The following MX1 variants were observed in gnomAD, a reference collection of about 807,000 sequenced individuals.
The protein encoded by MX1 is interferon-induced GTP-binding protein Mx1.
In MX1, 66 loss-of-function variants were observed where a neutral mutation model predicts 66.4. The ratio of observed to expected loss-of-function variants is 0.99; its 90% CI spans 0.82 to 1.22. The LOEUF is 1.22. Among genes scored for constraint, MX1 ranks in the 50% most tolerant of loss-of-function variants. The pLI, the probability that MX1 is intolerant of heterozygous loss-of-function variation, is 0.00. For missense variants in MX1, 787 were observed against 834.3 expected (o/e 0.94, Z 0.70); for synonymous variants, 311 against 318.1 (o/e 0.98, Z 0.24).
chr21:41,437,266 T>C (rs2090391231), intron 7 of MX1, 114 bp downstream of exon 7: 4 of 1,196,378 alleles, frequency 3.3e-6, no homozygotes, highest in Non-Finnish European at 3.6e-6. Context: ...ACCTTTCTCC[T>C]GCACATCAGG....
chr21:41,424,372 C>A (rs2090024814), upstream of MX1, among the ~76,000 whole-genome samples: 1 of 152,054 alleles, frequency 6.6e-6, no homozygotes, highest in South Asian at 2.1e-4. Flanking sequence ...GTGGATCCTG[C>A]AAAGCAAAAT....
intron 8 of MX1, 92 bp from the exon 9 acceptor site, chr21:41,440,795 T>C: frequency 5.4e-6 from 8 of 1,478,320 alleles, no homozygotes; most frequent in Non-Finnish European, 6.6e-6. Flanking sequence ...CTGGGACTCT[T>C]AGGGCCTAAA....
In MX1 at chr21:41,436,993, TG is replaced by T. The variant is rs1446038949; in HGVS notation, c.299-21del. The T allele has an allele frequency of 1.9e-5, 31 of 1,613,116 alleles. No individual in the cohort carries two copies. The East Asian group carries it at 6.7e-4, about 35-fold the overall frequency. On this transcript the variant is annotated intron_variant, in intron 6 of 16. Coordinates refer to ENST00000398598, the MANE Select transcript of MX1 (RefSeq NM_002462.5). ...GTCTTTTAAGAGCAAAGTGGAGCAC[TG>T]ATGTGGGCGTGGCCTCCTAGGGATC...
In MX1 at chr21:41,449,224, T is replaced by G. The variant is rs768899208; in HGVS notation, c.1361T>G (p.Phe454Cys). The G allele has an allele frequency of 6.8e-6, 11 of 1,613,952 alleles. No homozygotes were observed. Among genetic ancestry groups the G allele is most frequent in the Non-Finnish European group, 4.2e-6 (5 of 1,179,960 alleles). Residue 454 changes from phenylalanine (F) to cysteine (C), a missense_variant, in exon 14 of 17, where the codon TTT (phenylalanine) becomes TGT (cysteine). Transcript: ENST00000398598. ...ELPGFVNYRTFETIVKQQIKA... is the reference protein window; with the variant it reads ...ELPGFVNYRTCETIVKQQIKA... ...CCAGGCTTTGTGAATTACAGGACATTTGAGACAATCGTGAAACAGCAAATC... is the reference window on the plus strand; with the variant it reads ...CCAGGCTTTGTGAATTACAGGACATGTGAGACAATCGTGAAACAGCAAATC...
In MX1 at chr21:41,441,967, C is replaced by T; in HGVS notation, c.929+53C>T. ...TCAGTCCAAGCCCAGGATGTCAGGC[C>T]TTCCAGGGGACAGTGGCAGCCGTCC... On this transcript the variant is annotated intron_variant, in intron 10 of 16. Transcript: ENST00000398598. This position sits in a 1 kb window ranked among gnomAD's most constrained non-coding sequence, Gnocchi z 4.0. The T allele has an allele frequency of 1.3e-6, 2 of 1,591,994 alleles. No individual in the cohort carries two copies. The highest frequency in any genetic ancestry group is 1.3e-5 in the African/African-American group (1 of 74,414).
chr21:41,455,322 C>T (rs1309593366), intron 16 of MX1, among the ~76,000 whole-genome samples: 1 of 152,208 alleles, frequency 6.6e-6, no homozygotes, highest in African/African-American at 2.4e-5. Flanking sequence ...ACACTGGGAG[C>T]TGCATGCACG....
intron 8 of MX1, 55 bp downstream of exon 8, chr21:41,439,903 A>AGGGGG: frequency 1.8e-6 from 1 of 557,736 alleles, no homozygotes. Context: ...GGGGGAGTGG[A>AGGGGG]GGGGTGGGAG....
intron 7 of MX1, among the ~76,000 whole-genome samples, chr21:41,438,948 A>G (rs1044496191): frequency 8.5e-5 from 13 of 152,160 alleles, no homozygotes; most frequent in African/African-American, 2.7e-4. Context: ...GACCATGGCA[A>G]GGGGCATATC....
In MX1 at chr21:41,452,676, G is replaced by A. The variant is rs555024661; in HGVS notation, c.1565G>A (p.Arg522His). The A allele has an allele frequency of 4.7e-5, 76 of 1,614,190 alleles. No homozygotes were observed. Among genetic ancestry groups the A allele is most frequent in the African/African-American group, 4.4e-4 (33 of 75,040 alleles). Reference sequence around the variant, plus strand: ...GAGAGAGAAGGTGAGAAGCTGATCCGCCTCCACTTCCAGATGGAACAGATT... The same window carrying A: ...GAGAGAGAAGGTGAGAAGCTGATCCACCTCCACTTCCAGATGGAACAGATT... The part of the protein sequence containing the change: ...EQEREGEKLI[R>H]LHFQMEQIVY... Residue 522 changes from arginine (R) to histidine (H), a missense_variant, in exon 16 of 17, where the codon CGC (arginine) becomes CAC (histidine). Physicochemically the swap from Arg to His is conservative, Grantham distance 29. Transcript: ENST00000398598.
chr21:41,426,103 C>A (rs17000900), upstream of MX1: 22,803 of 173,842 alleles, frequency 0.13, 1,764 homozygotes, highest in South Asian at 0.23. Flanking sequence ...GCAAGTGCTG[C>A]AGGTGCGGGG....
At chr21:41,440,756 C>A in intron 8 of MX1, 131 bp from the exon 9 acceptor site, 1 of 1,089,382 alleles carries the variant, frequency 9.2e-7, no homozygotes. Flanking sequence ...TTCATTTCTC[C>A]AAAGTTACTT....
intron 16 of MX1, among the ~76,000 whole-genome samples, chr21:41,453,726 A>G (rs2090891231): frequency 6.6e-6 from 1 of 152,192 alleles, no homozygotes; most frequent in Admixed American, 6.5e-5. Context: ...CAGGAATTGT[A>G]GGTAAAATCA....
At chr21:41,442,028 T>TGTGC (rs765240003) in intron 10 of MX1, 114 bp downstream of exon 10, 150 of 863,074 alleles carry the variant, frequency 1.7e-4, no homozygotes, top group Non-Finnish European at 2.2e-4. Flanking sequence ...TGTGTGTGCG[T>TGTGC]GTGTGTGTGT....
At chr21:41,442,014 TGTGTGTGTGTGC>T (rs57653762) in intron 10 of MX1, 100 bp downstream of exon 10, 9 of 1,084,096 alleles carry the variant, frequency 8.3e-6, no homozygotes, top group East Asian at 4.9e-5. Flanking sequence ...GGAGTGTGTG[TGTGTGTGTGTGC>T]GTGTGTGTGT....
In MX1 at chr21:41,435,909, C is replaced by T. The variant is rs141166870; in HGVS notation, c.178C>T (p.Arg60Trp). Residue 60 changes from arginine to tryptophan, a missense_variant, in exon 6 of 17, where the codon CGG (arginine) becomes TGG (tryptophan). Transcript: ENST00000398598. ...CTGCATCGACCTCATTGACTCCCTG[C>T]GGGCTCTAGGTGTGGAGCAGGACCT... ...RPCIDLIDSL[R>W]ALGVEQDLAL... is the part of the protein sequence containing the mutation. The T allele has an allele frequency of 1.4e-5, 23 of 1,614,104 alleles. No individual in the cohort carries two copies. The highest frequency in any genetic ancestry group is 8.0e-5 in the African/African-American group (6 of 74,922).
Position 41,426,276 on chromosome 21 carries a change from T to A in MX1, c.-309+13T>A, listed in dbSNP as rs1221417986. ...TGCGCAGGGACCGGTGAGTGTCGCT[T>A]CTGGGGGCAGCGCCCAGTAACCGCG... On this transcript the variant is annotated intron_variant, in intron 1 of 16. Transcript: ENST00000398598. 1 of 152,846 alleles carries A rather than the reference T, an allele frequency of 6.5e-6. No homozygotes were observed. The highest frequency in any genetic ancestry group is 1.5e-5 in the Non-Finnish European group (1 of 68,506). The allele number at this position is 152,846 out of a possible 1,614,324, so 9.5% of individuals were successfully genotyped here.
chr21:41,436,091 G>C, intron 6 of MX1, 62 bp downstream of exon 6: 2 of 1,563,040 alleles, frequency 1.3e-6, no homozygotes, highest in Non-Finnish European at 1.7e-6. Context: ...CACAGACAGG[G>C]TGGCTTATAC....
chr21:41,432,301 C>G (rs973445174), intron 5 of MX1, 126 bp downstream of exon 5: 3 of 826,800 alleles, frequency 3.6e-6, no homozygotes, highest in Non-Finnish European at 5.9e-6. Context: ...TGTGCCAGGA[C>G]GCAGATCCTG....
chr21:41,449,192 A>G lies in MX1; in HGVS notation c.1329A>G (p.Arg443=). The change falls in exon 14 of 17, where the codon AGA becomes AGG. Residue 443 remains arginine, a synonymous_variant. Transcript: ENST00000398598. ...AATTTGAAAATCAGTATCGTGGTAG[A>G]GAGCTGCCAGGCTTTGTGAATTACA... ...IQKFENQYRG[R]ELPGFVNYRT... is the part of the protein sequence containing the mutation. The G allele has an allele frequency of 6.2e-7, 1 of 1,614,146 alleles. No individual in the cohort carries two copies. Among genetic ancestry groups the G allele is most frequent in the Non-Finnish European group, 8.5e-7 (1 of 1,180,020 alleles).
Sources: gnomAD v4.1 joint callset for allele counts (sites outside exome capture counted in the v4.1 genomes callset) on GRCh38, gnomAD v4.1.1 for gene constraint, Gnocchi (gnomAD v3.1) non-coding constraint, MANE v1.5 for transcripts, NCBI Gene and HGNC (gene_info 2026-07-23, HGNC 2026-07-21) for gene names.